Variants in SPTLC2 observed in about 807,000 individuals in gnomAD.
SPTLC2 encodes serine palmitoyltransferase long chain base subunit 2.
A neutral mutation model predicts 62.0 loss-of-function variants in SPTLC2; 21 were observed. The observed-to-expected ratio is 0.34, with a 90% confidence interval of 0.24 to 0.49. The LOEUF (loss-of-function observed/expected upper bound fraction) is 0.49, where lower values mean the gene tolerates loss of function less well. SPTLC2 is among the 20% of genes least tolerant of loss of function. The pLI, the probability that SPTLC2 is intolerant of heterozygous loss-of-function variation, is 0.99. For synonymous variants in SPTLC2, 261 were observed against 261.8 expected, an observed-to-expected ratio of 1.00 and a Z score of 0.03; for missense variants, 511 against 713.0, an observed-to-expected ratio of 0.72 and a Z score of 3.23.
chr14:77,532,207 T>C (rs954980495), intron 9 of SPTLC2, among the ~76,000 whole-genome samples: 3 of 152,172 alleles, frequency 2.0e-5, no homozygotes, highest in Non-Finnish European at 4.4e-5. Flanking sequence ...TAAGATGGGG[T>C]AAGTGTTAGG....
intron 1 of SPTLC2, among the ~76,000 whole-genome samples, chr14:77,609,822 T>C (rs1327304534): frequency 1.3e-5 from 2 of 151,864 alleles, no homozygotes; most frequent in African/African-American, 2.4e-5. Context: ...GCCCAGGAGG[T>C]GGAGGCTGCG....
chr14:77,567,506 A>G lies in SPTLC2; in HGVS notation c.756+2878T>C, dbSNP rs577410017. On this transcript the variant is annotated intron_variant, in intron 5 of 11. Transcript: ENST00000216484. ...TCTTACAAGGAATTTTGTGTATTTT[A>G]TCTAAGTTGTTGAATATTTTGGCAT... Among the ~76,000 whole-genome samples, 82 of 152,360 alleles carry G rather than the reference A, an allele frequency of 5.4e-4. 1 individual carries two copies. The highest frequency in any genetic ancestry group is 2.0e-3 in the African/African-American group (82 of 41,596).
chr14:77,561,677 A>G (rs1386031772), intron 6 of SPTLC2, among the ~76,000 whole-genome samples: 2 of 152,130 alleles, frequency 1.3e-5, no homozygotes, highest in African/African-American at 2.4e-5. Context: ...TTCTCACTGT[A>G]AAACATTTTA....
intron 9 of SPTLC2, among the ~76,000 whole-genome samples, chr14:77,544,175 T>A (rs2079516468): frequency 6.6e-6 from 1 of 151,998 alleles, no homozygotes; most frequent in South Asian, 2.1e-4. Context: ...CTTGGCTAAT[T>A]TTTAGAATTT....
intron 9 of SPTLC2, among the ~76,000 whole-genome samples, chr14:77,541,435 C>T (rs2079500003): frequency 6.6e-6 from 1 of 152,140 alleles, no homozygotes; most frequent in Non-Finnish European, 1.5e-5. Context: ...CTTATGATGG[C>T]CTACTTTCAT....
chr14:77,534,588 T>TACACAC (rs1555373993), intron 9 of SPTLC2, among the ~76,000 whole-genome samples: 153 of 141,216 alleles, frequency 1.1e-3, no homozygotes, highest in East Asian at 4.0e-3. Flanking sequence ...CATATTTCAG[T>TACACAC]ACACACACAC....
chr14:77,579,221 T>G, intron 2 of SPTLC2, 112 bp from the exon 3 acceptor site: 1 of 1,061,216 alleles, frequency 9.4e-7, no homozygotes, highest in Non-Finnish European at 1.4e-6. Flanking sequence ...ATAAGGGCAA[T>G]TTCATTACGT....
chr14:77,530,116 T>C (rs756956600), intron 9 of SPTLC2, among the ~76,000 whole-genome samples: 6 of 152,196 alleles, frequency 3.9e-5, no homozygotes, highest in Non-Finnish European at 8.8e-5. Context: ...TCATCTCAGC[T>C]GAAGGTATCT....
rs886380492 is a variant in SPTLC2, at chr14:77,545,034, T to C, written c.1303+7062A>G. Among the ~76,000 whole-genome samples the C allele has an allele frequency of 5.3e-5, 8 of 152,106 alleles. 1 individual carries two copies. Among genetic ancestry groups the C allele is most frequent in the African/African-American group, 1.9e-4 (8 of 41,410 alleles). On this transcript the variant is annotated intron_variant, in intron 9 of 11. Coordinates refer to ENST00000216484, the MANE Select transcript of SPTLC2 (RefSeq NM_004863.4). ...CCACTGGAAGACCCCATTGCAGTCA[T>C]CCCTATGCTTATTACCATGGCCCCC...
At position 77,585,463 on chromosome 14, in the gene SPTLC2, T is replaced by C. The variant is rs72683279; in HGVS notation, c.328-6354A>G. On this transcript the variant is annotated intron_variant, in intron 2 of 11. Coordinates refer to ENST00000216484, the MANE Select transcript of SPTLC2 (RefSeq NM_004863.4). ...CTAATTTAATAACTTTTACTTATTT[T>C]AGAGTCTGGGGCACCAATCTCGATA... Among the ~76,000 whole-genome samples, 920 of 152,308 alleles carry C rather than the reference T, an allele frequency of 6.0e-3. 8 individuals are homozygous for C. Among genetic ancestry groups the C allele is most frequent in the Non-Finnish European group, 9.3e-3 (631 of 68,028 alleles).
chr14:77,541,035 A>G (rs757525734), intron 9 of SPTLC2, among the ~76,000 whole-genome samples: 3 of 151,620 alleles, frequency 2.0e-5, no homozygotes, highest in Non-Finnish European at 4.4e-5. Context: ...TTATTTATTT[A>G]TTTATTTATT....
intron 9 of SPTLC2, among the ~76,000 whole-genome samples, chr14:77,539,483 C>CT (rs71128638): frequency 0.12 from 6,425 of 53,416 alleles, 814 homozygotes; most frequent in East Asian, 0.24. Flanking sequence ...TCTTAAGAGG[C>CT]TTTTTTTTTT....
intron 1 of SPTLC2, among the ~76,000 whole-genome samples, chr14:77,608,880 T>A (rs147385464): frequency 6.6e-6 from 1 of 150,762 alleles, no homozygotes; most frequent in Non-Finnish European, 1.5e-5. Context: ...ATCACATCAC[T>A]GCACTCCAGC....
intron 8 of SPTLC2, among the ~76,000 whole-genome samples, chr14:77,554,306 C>T (rs1193221232): frequency 1.3e-5 from 2 of 152,180 alleles, no homozygotes; most frequent in Non-Finnish European, 2.9e-5. Flanking sequence ...TTTTAAAGCA[C>T]AATTCAGTGG....
intron 9 of SPTLC2, among the ~76,000 whole-genome samples, chr14:77,527,614 C>G (rs72683251): frequency 0.21 from 31,965 of 151,990 alleles, 3,897 homozygotes; most frequent in East Asian, 0.3. Context: ...CTCAGCCATG[C>G]ATGTAATCTT....
intron 9 of SPTLC2, among the ~76,000 whole-genome samples, chr14:77,535,439 TC>T (rs556790902): frequency 9.2e-5 from 14 of 152,128 alleles, no homozygotes; most frequent in Admixed American, 2.0e-4. Context: ...TGATCTCCCA[TC>T]AGGATCACAC....
At chr14:77,603,057 G>T (rs2079886837) in intron 1 of SPTLC2, among the ~76,000 whole-genome samples, 1 of 152,126 alleles carries the variant, frequency 6.6e-6, no homozygotes, top group Admixed American at 6.5e-5. Flanking sequence ...CCTGAATAAA[G>T]GTTTCAAGAA....
At position 77,570,466 on chromosome 14, in the gene SPTLC2, C is replaced by A. The variant is rs749653317; in HGVS notation, c.674G>T (p.Arg225Met). ...CATAGCAGCTTCTACTCCTAAGAAC[C>A]TTGCTACAAGCTCCTCTAGTTCTTC... ...KHEELEELVA[R>M]FLGVEAAMAY... The change falls in exon 5 of 12, where the codon AGG becomes ATG. Residue 225 changes from arginine to methionine, a missense_variant. Coordinates refer to ENST00000216484, the MANE Select transcript of SPTLC2 (RefSeq NM_004863.4). 1 of 1,613,956 alleles carries A rather than the reference C, an allele frequency of 6.2e-7. No homozygotes were observed. The highest frequency in any genetic ancestry group is 8.5e-7 in the Non-Finnish European group (1 of 1,179,994).
At chr14:77,579,197 T>A in intron 2 of SPTLC2, 88 bp from the exon 3 acceptor site, 1 of 1,411,066 alleles carries the variant, frequency 7.1e-7, no homozygotes, top group Non-Finnish European at 9.8e-7. Context: ...TTTATTTATG[T>A]AAATTTATGG....
Sources: gnomAD v4.1 joint callset for allele counts (sites outside exome capture counted in the v4.1 genomes callset) on GRCh38, gnomAD v4.1.1 for gene constraint, MANE v1.5 for transcripts, NCBI Gene and HGNC (gene_info 2026-07-23, HGNC 2026-07-21) for gene names.